Variants in PTPRM observed in about 807,000 individuals in gnomAD.
PTPRM encodes receptor-type tyrosine-protein phosphatase mu.
Under a neutral mutation model 186.7 loss-of-function variants are expected in PTPRM, and 47 were observed. The ratio of observed to expected loss-of-function variants is 0.25; its 90% confidence interval spans 0.20 to 0.32. PTPRM has a LOEUF of 0.32. Among genes scored for constraint, PTPRM ranks in the 10% least tolerant of loss-of-function variants. The pLI is 1.00. For synonymous variants in PTPRM, 668 were observed against 674.9 expected, an observed-to-expected ratio of 0.99 and a Z score of 0.16; for missense variants, 1,494 against 1,865.0, an observed-to-expected ratio of 0.80 and a Z score of 3.66.
At chr18:7,632,846 T>C (rs1201605134) in intron 1 of PTPRM, among the ~76,000 whole-genome samples, 1 of 152,168 alleles carries the variant, frequency 6.6e-6, no homozygotes, top group Non-Finnish European at 1.5e-5. Context: ...TGAAAATGTC[T>C]AAAAAAATTC....
intron 14 of PTPRM, among the ~76,000 whole-genome samples, chr18:8,205,589 C>T (rs1021946166): frequency 1.3e-5 from 2 of 152,094 alleles, no homozygotes; most frequent in African/African-American, 4.8e-5. Flanking sequence ...TGGAATGATA[C>T]GTTATGCTTG....
At chr18:7,706,601 CAAAAAAAAAAAA>C (rs766639399) in intron 1 of PTPRM, among the ~76,000 whole-genome samples, 6 of 16,130 alleles carry the variant, frequency 3.7e-4, no homozygotes, top group Non-Finnish European at 7.6e-4. Flanking sequence ...GACCTTGTCT[CAAAAAAAAAAAA>C]AAAAAAAAAA....
chr18:7,598,914 A>G (rs1385616624), intron 1 of PTPRM, among the ~76,000 whole-genome samples: 5 of 151,734 alleles, frequency 3.3e-5, no homozygotes, highest in African/African-American at 7.3e-5. Context: ...TATAAACTCT[A>G]TTTCTTGCAA....
intron 2 of PTPRM, among the ~76,000 whole-genome samples, chr18:7,836,355 A>G (rs890338619): frequency 7.2e-5 from 11 of 152,158 alleles, no homozygotes; most frequent in Non-Finnish European, 1.5e-4. Context: ...AAACAAACAA[A>G]CCAGCAAAAA....
chr18:8,333,265 A>G (rs1219042442), intron 22 of PTPRM, among the ~76,000 whole-genome samples: 30 of 152,252 alleles, frequency 2.0e-4, no homozygotes, highest in Admixed American at 2.0e-3. Context: ...TGATTTTAAC[A>G]TAAGTAGCCT....
intron 7 of PTPRM, among the ~76,000 whole-genome samples, chr18:8,046,039 C>T (rs2087026713): frequency 6.6e-6 from 1 of 152,012 alleles, no homozygotes; most frequent in Non-Finnish European, 1.5e-5. Context: ...ATCGTGGGGG[C>T]GGTTTCCTCC....
At chr18:7,902,028 T>C (rs1400599834) in intron 3 of PTPRM, among the ~76,000 whole-genome samples, 11 of 152,240 alleles carry the variant, frequency 7.2e-5, no homozygotes, top group East Asian at 1.9e-4. Context: ...CTTTTGTTTA[T>C]ATATTATGTA....
chr18:7,739,463 G>A (rs1011335701), intron 1 of PTPRM, among the ~76,000 whole-genome samples: 6 of 152,232 alleles, frequency 3.9e-5, no homozygotes, highest in Non-Finnish European at 5.9e-5. Flanking sequence ...GCATTAAAAT[G>A]ATGTATAACA....
chr18:7,960,274 A>C (rs984911231), intron 7 of PTPRM, among the ~76,000 whole-genome samples: 1 of 152,032 alleles, frequency 6.6e-6, no homozygotes, highest in African/African-American at 2.4e-5. Context: ...TAGCATTAAT[A>C]TACCTAAAAA....
intron 2 of PTPRM, among the ~76,000 whole-genome samples, chr18:7,872,522 A>G (rs2048033244): frequency 6.6e-6 from 1 of 152,236 alleles, no homozygotes; most frequent in African/African-American, 2.4e-5. Flanking sequence ...TTACAAAAAT[A>G]CTGGTTAAAT....
chr18:7,847,060 G>T (rs1013269211), intron 2 of PTPRM, among the ~76,000 whole-genome samples: 2 of 151,098 alleles, frequency 1.3e-5, no homozygotes, highest in African/African-American at 4.9e-5. Context: ...TTCATCTGCA[G>T]TTAGTTATCT....
At chr18:8,054,736 G>A (rs1234175694) in intron 7 of PTPRM, among the ~76,000 whole-genome samples, 1 of 151,460 alleles carries the variant, frequency 6.6e-6, no homozygotes, top group Non-Finnish European at 1.5e-5. Context: ...ATGTTTTTTT[G>A]CTCACCATTT....
intron 7 of PTPRM, among the ~76,000 whole-genome samples, chr18:8,024,634 AAG>A (rs1193596977): frequency 2.0e-5 from 3 of 150,272 alleles, no homozygotes; most frequent in African/African-American, 7.5e-5. Flanking sequence ...TCTCTTACAT[AAG>A]ACTGTACTTT....
At chr18:7,682,803 C>A (rs2144585011) in intron 1 of PTPRM, among the ~76,000 whole-genome samples, 1 of 152,252 alleles carries the variant, frequency 6.6e-6, no homozygotes, top group South Asian at 2.1e-4. Flanking sequence ...AAATGGGGCT[C>A]AGATGCTGCC....
At chr18:8,222,427 T>A (rs2147080848) in intron 14 of PTPRM, among the ~76,000 whole-genome samples, 1 of 152,318 alleles carries the variant, frequency 6.6e-6, no homozygotes, top group African/African-American at 2.4e-5. Context: ...ACAAAGTAGA[T>A]GACATGCTTT....
chr18:8,006,411 T>C (rs1178428988), intron 7 of PTPRM, among the ~76,000 whole-genome samples: 1 of 152,148 alleles, frequency 6.6e-6, no homozygotes, highest in African/African-American at 2.4e-5. Context: ...CAGGAAGCAT[T>C]TGCATATTAC....
At chr18:7,881,794 A>AGCCG (rs2048522418) in intron 2 of PTPRM, among the ~76,000 whole-genome samples, 2 of 152,072 alleles carry the variant, frequency 1.3e-5, no homozygotes. Flanking sequence ...CTTTCCTTGA[A>AGCCG]GCCGGGTCTT....
chr18:7,965,359 G>T lies in PTPRM; in HGVS notation c.1132+9945G>T, dbSNP rs932383769. ...CCTCACCCAGCCCACTCTAACACTT[G>T]TAAGTTTATCCAGAGGACTCAAAGC... On this transcript the variant is annotated intron_variant, in intron 7 of 32. Coordinates refer to ENST00000580170, the MANE Select transcript of PTPRM (RefSeq NM_001105244.2). 2.0e-5 allele frequency among the ~76,000 whole-genome samples: 3 copies of T among 152,130 alleles called. No individual in the cohort carries two copies. In the East Asian group the frequency reaches 5.8e-4, roughly 29 times the overall value.
intron 1 of PTPRM, among the ~76,000 whole-genome samples, chr18:7,655,977 G>A (rs1295430829): frequency 6.6e-6 from 1 of 152,144 alleles, no homozygotes; most frequent in East Asian, 1.9e-4. Flanking sequence ...CAGTTGATAG[G>A]ACTGTAAATG....
Sources: gnomAD v4.1 joint callset for allele counts (sites outside exome capture counted in the v4.1 genomes callset) on GRCh38, gnomAD v4.1.1 for gene constraint, MANE v1.5 for transcripts, NCBI Gene and HGNC (gene_info 2026-07-23, HGNC 2026-07-21) for gene names.